Variants in DNAJC6 observed in about 807,000 individuals in gnomAD.
DNAJC6 encodes DnaJ heat shock protein family (Hsp40) member C6.
DNAJC6 carries 34 observed loss-of-function variants against 110.0 expected under a neutral mutation model. That is an observed-to-expected ratio of 0.31 (90% CI 0.24 to 0.41). DNAJC6 has a LOEUF of 0.41. Ranked by LOEUF, DNAJC6 falls within the 10% of genes least tolerant of loss-of-function variation. DNAJC6 has a pLI of 1.00. For missense variants in DNAJC6, 1,031 were observed against 1,207.8 expected, an observed-to-expected ratio of 0.85 and a Z score of 2.17; for synonymous variants, 406 against 437.2, an observed-to-expected ratio of 0.93 and a Z score of 0.89.
chr1:65,296,195 T>A (rs1052595008), intron 1 of DNAJC6, among the ~76,000 whole-genome samples: 5 of 152,214 alleles, frequency 3.3e-5, no homozygotes, highest in Admixed American at 6.5e-5. Flanking sequence ...AAGGGAATTT[T>A]AAAAAATGAT....
chr1:65,336,181 G>A (rs145622038), intron 1 of DNAJC6, among the ~76,000 whole-genome samples: 2,301 of 152,182 alleles, frequency 0.015, 107 homozygotes, highest in East Asian at 0.15. Flanking sequence ...TGGCAGAAGG[G>A]GAAGCAAACA....
chr1:65,311,598 A>C, intron 1 of DNAJC6, among the ~76,000 whole-genome samples: 1 of 152,110 alleles, frequency 6.6e-6, no homozygotes. Flanking sequence ...TCAAAGTGTA[A>C]TCCATCTTTT....
chr1:65,351,767 A>G (rs1471468013), intron 1 of DNAJC6, among the ~76,000 whole-genome samples: 1 of 152,060 alleles, frequency 6.6e-6, no homozygotes, highest in Non-Finnish European at 1.5e-5. Flanking sequence ...ACAGTTATAT[A>G]TATTTTTTTT....
chr1:65,277,487 G>T (rs1402146655), intron 1 of DNAJC6, among the ~76,000 whole-genome samples: 1 of 152,170 alleles, frequency 6.6e-6, no homozygotes, highest in Non-Finnish European at 1.5e-5. Context: ...AAAATAATTT[G>T]AATGATTGAG....
intron 4 of DNAJC6, among the ~76,000 whole-genome samples, chr1:65,379,067 G>A (rs1420002485): frequency 6.6e-6 from 1 of 152,112 alleles, no homozygotes; most frequent in Non-Finnish European, 1.5e-5. Flanking sequence ...ACATTTGGGG[G>A]GAGGTCAAAA....
At chr1:65,313,310 C>T (rs1645119693) in intron 1 of DNAJC6, among the ~76,000 whole-genome samples, 1 of 151,972 alleles carries the variant, frequency 6.6e-6, no homozygotes, top group African/African-American at 2.4e-5. Context: ...ATCTGACCAC[C>T]TCGGCCTCCC....
chr1:65,351,342 G>A (rs980181016), intron 1 of DNAJC6, among the ~76,000 whole-genome samples: 3 of 152,148 alleles, frequency 2.0e-5, no homozygotes, highest in Non-Finnish European at 4.4e-5. Context: ...CATTATCATG[G>A]TTGGAAGTGG....
At chr1:65,269,938 A>G (rs1375877980) in intron 1 of DNAJC6, among the ~76,000 whole-genome samples, 4 of 152,180 alleles carry the variant, frequency 2.6e-5, no homozygotes, top group African/African-American at 9.7e-5. Context: ...GTCCTGTGCA[A>G]TTTTCAAATG....
chr1:65,310,298 A>G (rs1405472961), intron 1 of DNAJC6, among the ~76,000 whole-genome samples: 1 of 152,168 alleles, frequency 6.6e-6, no homozygotes, highest in Admixed American at 6.5e-5. Context: ...TGGGAGAGGC[A>G]GCTGCTTTCA....
chr1:65,325,305 A>G (rs939396528), intron 1 of DNAJC6, among the ~76,000 whole-genome samples: 2 of 152,178 alleles, frequency 1.3e-5, no homozygotes, highest in Admixed American at 1.3e-4. Context: ...AAAGAAACAA[A>G]AGCTAAGATA....
intron 15 of DNAJC6, among the ~76,000 whole-genome samples, chr1:65,402,797 GT>G (rs1646042410): frequency 6.6e-6 from 1 of 152,068 alleles, no homozygotes; most frequent in African/African-American, 2.4e-5. Flanking sequence ...CTATTTAGAT[GT>G]TTTTCCCTTT....
chr1:65,392,205 G>T (rs1645933718), intron 11 of DNAJC6, among the ~76,000 whole-genome samples: 1 of 152,176 alleles, frequency 6.6e-6, no homozygotes, highest in African/African-American at 2.4e-5. Flanking sequence ...TGGCTCCAGA[G>T]TTCCTGCTCC....
intron 1 of DNAJC6, among the ~76,000 whole-genome samples, chr1:65,310,818 G>A (rs1645092590): frequency 6.6e-6 from 1 of 152,118 alleles, no homozygotes; most frequent in African/African-American, 2.4e-5. Context: ...AACCAGGTTC[G>A]GAGAATTGTT....
chr1:65,322,531 C>T (rs1246507498), intron 1 of DNAJC6, among the ~76,000 whole-genome samples: 2 of 152,146 alleles, frequency 1.3e-5, no homozygotes, highest in Admixed American at 1.3e-4. Context: ...TTAAATTCCA[C>T]TGTCCAAATT....
At chr1:65,307,583 A>T (rs564029155), upstream of DNAJC6, among the ~76,000 whole-genome samples, 5 of 152,296 alleles carry the variant, frequency 3.3e-5, no homozygotes, top group African/African-American at 1.2e-4. Context: ...CTGGTTCTAA[A>T]TTCTATTAAT....
chr1:65,364,383 A>AG (rs896681802), intron 1 of DNAJC6, among the ~76,000 whole-genome samples: 7 of 152,056 alleles, frequency 4.6e-5, no homozygotes, highest in African/African-American at 1.7e-4. Context: ...ACACATGGCT[A>AG]GTAGCGGCAA....
chr1:65,347,819 G>A (rs545280811), intron 1 of DNAJC6, among the ~76,000 whole-genome samples: 1 of 152,114 alleles, frequency 6.6e-6, no homozygotes, highest in South Asian at 2.1e-4. Flanking sequence ...AAAATCTCAG[G>A]ATTCCTTGTT....
At chr1:65,341,439 G>A (rs1187980641) in intron 1 of DNAJC6, among the ~76,000 whole-genome samples, 1 of 152,106 alleles carries the variant, frequency 6.6e-6, no homozygotes, top group African/African-American at 2.4e-5. Context: ...TGTGAGCTCT[G>A]ATTGTGTTAC....
At chr1:65,338,561 T>C (rs183099536) in intron 1 of DNAJC6, among the ~76,000 whole-genome samples, 10 of 152,330 alleles carry the variant, frequency 6.6e-5, no homozygotes, top group African/African-American at 2.4e-4. Context: ...AATATTTACA[T>C]AGTTTCAAAT....
Sources: gnomAD v4.1 joint callset for allele counts (sites outside exome capture counted in the v4.1 genomes callset) on GRCh38, gnomAD v4.1.1 for gene constraint, MANE v1.5 for transcripts, NCBI Gene and HGNC (gene_info 2026-07-23, HGNC 2026-07-21) for gene names.